DPP6: variants seen among roughly 807,000 people sequenced by gnomAD.
The protein encoded by DPP6 is dipeptidyl peptidase like 6, also known as A-type potassium channel modulatory protein DPP6.
Under a neutral mutation model 122.6 loss-of-function variants are expected in DPP6, and 69 were observed. The observed-to-expected ratio is 0.56, with a 90% CI of 0.46 to 0.69. DPP6 has a LOEUF of 0.69. DPP6 is among the 30% of genes least tolerant of loss of function. DPP6 has a pLI of 0.00. For missense variants in DPP6, 928 were observed against 1,116.9 expected (o/e 0.83, Z 2.41); for synonymous variants, 418 against 433.1 (o/e 0.97, Z 0.43).
chr7:154,587,975 A>G (rs1036717640), intron 5 of DPP6: 2 of 1,612,118 alleles, frequency 1.2e-6, no homozygotes, highest in Non-Finnish European at 8.5e-7. Context: ...CTCAGGCAGC[A>G]CTGTCCATTG....
intron 13 of DPP6, among the ~76,000 whole-genome samples, chr7:154,802,968 C>T (rs1798463016): frequency 6.6e-6 from 1 of 152,218 alleles, no homozygotes; most frequent in African/African-American, 2.4e-5. Flanking sequence ...GTCTCCTGCA[C>T]TGCCCATGAG....
intron 8 of DPP6, among the ~76,000 whole-genome samples, chr7:154,762,362 G>A (rs543829036): frequency 3.9e-5 from 6 of 152,190 alleles, no homozygotes; most frequent in Admixed American, 3.3e-4. Flanking sequence ...TCACCAAGGC[G>A]TCAGTCTCTG....
intron 3 of DPP6, among the ~76,000 whole-genome samples, chr7:154,515,098 C>A (rs919072831): frequency 3.3e-5 from 5 of 152,298 alleles, no homozygotes; most frequent in Non-Finnish European, 7.3e-5. Context: ...AAAGAACAAG[C>A]AATATACACT....
intron 1 of DPP6, among the ~76,000 whole-genome samples, chr7:154,375,411 C>A (rs1161687771): frequency 2.0e-5 from 3 of 152,074 alleles, no homozygotes; most frequent in Non-Finnish European, 4.4e-5. Context: ...ATCAGCTGAC[C>A]TTTATTCACT....
At chr7:153,786,945 T>TTCTTTG in the DPP6 span, among the ~76,000 whole-genome samples, 1 of 145,162 alleles carries the variant, frequency 6.9e-6, no homozygotes, top group South Asian at 2.3e-4. Flanking sequence ...AGATTTCCTT[T>TTCTTTG]TTTTTGTTTT....
intron 5 of DPP6, chr7:154,587,608 T>C (rs1214477482): frequency 3.3e-6 from 5 of 1,514,726 alleles, no homozygotes; most frequent in African/African-American, 2.8e-5. Flanking sequence ...AGAAATGGAA[T>C]TGAGCTTTCT....
chr7:153,964,999 T>TTC (rs1563055951), intron 1 of DPP6, among the ~76,000 whole-genome samples: 2,117 of 62,446 alleles, frequency 0.034, 132 homozygotes, highest in African/African-American at 0.054. Flanking sequence ...TTCCTTCCTT[T>TTC]CTTCCTTCCT....
At position 154,892,449 on chromosome 7, in the gene DPP6, T is replaced by C; in HGVS notation, c.2567T>C (p.Val856Ala). 6.2e-7 allele frequency: 1 copy of C among 1,613,972 alleles called. No homozygotes were observed. The highest frequency in any genetic ancestry group is 8.5e-7 in the Non-Finnish European group (1 of 1,179,882). ...CFRIQDKLLTVTAKEDEEED is the reference protein window; with the variant it reads ...CFRIQDKLLTATAKEDEEED ...AGGATCCAGGACAAACTGCTGACAG[T>C]CACAGCGAAAGAGGACGAGGAGGAG... Residue 856 changes from valine (V) to alanine (A), a missense_variant, in exon 26 of 26, where the codon GTC becomes GCC. Transcript: ENST00000377770.
chr7:154,547,138 A>G (rs879481722), intron 4 of DPP6, among the ~76,000 whole-genome samples: 2 of 152,214 alleles, frequency 1.3e-5, no homozygotes, highest in Admixed American at 6.5e-5. Flanking sequence ...CCTCGGTTTC[A>G]GCTCCTGTTG....
intron 19 of DPP6, among the ~76,000 whole-genome samples, chr7:154,873,067 C>T (rs1036343462): frequency 7.2e-5 from 11 of 152,246 alleles, no homozygotes; most frequent in African/African-American, 2.7e-4. Context: ...ACCCTGAGCC[C>T]GTGGGTCTCA....
At chr7:154,844,385 G>A (rs559816023) in intron 16 of DPP6, among the ~76,000 whole-genome samples, 25 of 152,212 alleles carry the variant, frequency 1.6e-4, no homozygotes, top group South Asian at 1.0e-3. Flanking sequence ...TCGTGTGTTC[G>A]GCATGTCCCC....
chr7:154,147,673 T>C (rs1796178839), intron 1 of DPP6, among the ~76,000 whole-genome samples: 1 of 149,514 alleles, frequency 6.7e-6, no homozygotes, highest in African/African-American at 2.5e-5. Context: ...TGTGTGTGTG[T>C]GTGTATATAT....
chr7:154,454,881 C>T lies in DPP6; in HGVS notation c.358+8553C>T, dbSNP rs145524877. On this transcript the variant is annotated intron_variant, in intron 2 of 25. Transcript: ENST00000377770. ...GGGCCATCTCAGGGATCTGCTTGAG[C>T]GTTTATCCAAGGTCCAGGTGTTAAA... Among the ~76,000 whole-genome samples, 282 of 152,202 alleles carry T rather than the reference C, an allele frequency of 1.9e-3. 1 individual carries two copies. Among genetic ancestry groups the T allele is most frequent in the African/African-American group, 6.4e-3 (266 of 41,536 alleles).
chr7:154,355,583 A>G (rs2151087891), intron 1 of DPP6, among the ~76,000 whole-genome samples: 1 of 152,294 alleles, frequency 6.6e-6, no homozygotes, highest in East Asian at 1.9e-4. Context: ...TTTGTATATG[A>G]ATATTGAGTT....
At chr7:154,040,711 C>T (rs1002021956) in intron 1 of DPP6, among the ~76,000 whole-genome samples, 1 of 152,198 alleles carries the variant, frequency 6.6e-6, no homozygotes. Context: ...TTTTTTCCCA[C>T]ATATTCTGTG....
At chr7:153,791,009 G>A in the DPP6 span, among the ~76,000 whole-genome samples, 1 of 152,042 alleles carries the variant, frequency 6.6e-6, no homozygotes, top group Non-Finnish European at 1.5e-5. Context: ...GAAATCATGT[G>A]GTTTGACTTT....
At chr7:154,832,340 C>G (rs1187468689) in intron 16 of DPP6, among the ~76,000 whole-genome samples, 2 of 152,164 alleles carry the variant, frequency 1.3e-5, no homozygotes, top group Non-Finnish European at 2.9e-5. Context: ...GTGCCAGGGA[C>G]TTTGTTGGAA....
At chr7:154,295,922 G>A (rs1384078986) in intron 1 of DPP6, among the ~76,000 whole-genome samples, 1 of 148,660 alleles carries the variant, frequency 6.7e-6, no homozygotes, top group Non-Finnish European at 1.5e-5. Context: ...TTATTGCTCT[G>A]TGTATGCATA....
chr7:154,553,928 C>T (rs1364053758), intron 4 of DPP6, among the ~76,000 whole-genome samples: 7 of 144,792 alleles, frequency 4.8e-5, no homozygotes, highest in Non-Finnish European at 1.0e-4. Context: ...AAAAAAAGTG[C>T]TGACACAGCT....
Sources: gnomAD v4.1 joint callset for allele counts (sites outside exome capture counted in the v4.1 genomes callset) on GRCh38, gnomAD v4.1.1 for gene constraint, MANE v1.5 for transcripts, NCBI Gene and HGNC (gene_info 2026-07-23, HGNC 2026-07-21) for gene names.